Variants in SLC9A6 observed in about 807,000 individuals in gnomAD.
SLC9A6 encodes solute carrier family 9 member A6.
Under a neutral mutation model 45.3 loss-of-function variants are expected in SLC9A6, and 6 were observed. The observed-to-expected ratio is 0.13, with a 90% CI of 0.07 to 0.26. The LOEUF (loss-of-function observed/expected upper bound fraction) is 0.26, where lower values mean the gene tolerates loss of function less well. Ranked by LOEUF, SLC9A6 falls within the 10% of genes least tolerant of loss-of-function variation. The pLI, the probability that SLC9A6 is intolerant of heterozygous loss-of-function variation, is 1.00. For missense variants in SLC9A6, 278 were observed against 503.7 expected (o/e 0.55, Z 4.29); for synonymous variants, 191 against 187.7 (o/e 1.02, Z -0.14).
intron 3 of SLC9A6, among the ~76,000 whole-genome samples, chrX:135,995,694 T>C (rs1336622777): frequency 8.9e-6 from 1 of 112,426 alleles, no homozygotes; most frequent in Non-Finnish European, 1.9e-5. Flanking sequence ...TCTATTAATA[T>C]TTCTTTCAAT....
chrX:135,986,862 G>A (rs1556615035), intron 2 of SLC9A6, among the ~76,000 whole-genome samples: 1 of 111,365 alleles, frequency 9.0e-6, no homozygotes, highest in Non-Finnish European at 1.9e-5. Flanking sequence ...AGATGAGGGC[G>A]GACAAACAAT....
At chrX:135,980,749 TTC>T (rs2089282633), upstream of SLC9A6, among the ~76,000 whole-genome samples, 1 of 110,618 alleles carries the variant, frequency 9.0e-6, no homozygotes. Context: ...TAGAGATGAG[TTC>T]TCACTATGTT....
rs782296172 is a variant in SLC9A6, at chrX:135,985,673, C to A, written c.15C>A (p.Ile5=). Residue 5 remains isoleucine, a synonymous_variant, in exon 2 of 18, where the codon ATC becomes ATA. Coordinates refer to ENST00000630721, the MANE Select transcript of SLC9A6 (RefSeq NM_001379110.1). The part of the protein sequence containing the change: MDEE[I]VSEKQAEESH... ...AGGCTAGAGCCATGGACGAGGAGAT[C>A]GTGTCCGAGAAGCAAGCCGAGGAGA... 8.3e-7 allele frequency: 1 copy of A among 1,210,056 alleles called. No homozygotes were observed. Among genetic ancestry groups the A allele is most frequent in the African/African-American group, 1.7e-5 (1 of 57,216 alleles).
At chrX:136,009,554 G>T (rs1286013329) in intron 7 of SLC9A6, among the ~76,000 whole-genome samples, 1 of 112,138 alleles carries the variant, frequency 8.9e-6, no homozygotes, top group Non-Finnish European at 1.9e-5. Flanking sequence ...GTATGATGTT[G>T]TTGAGTCTGG....
chrX:136,022,508 C>A, intron 11 of SLC9A6, 78 bp from the exon 12 acceptor site: 2 of 605,689 alleles, frequency 3.3e-6, no homozygotes, highest in Non-Finnish European at 5.3e-6. Context: ...CTAAAATAGT[C>A]TTTCACCATC....
At chrX:135,973,871 C>T (rs1267311901), upstream of SLC9A6, 5 of 1,152,169 alleles carry the variant, frequency 4.3e-6, no homozygotes, top group African/African-American at 7.6e-5. Flanking sequence ...GAAAGCTACA[C>T]GGAAAAAGGT....
At position 135,987,651 on chromosome X, in the gene SLC9A6, A is replaced by AT. The variant is rs1199495219; in HGVS notation, c.169+1833dup. ...GTCGCTGTTGCATTTTTTTTCTTTG[A>AT]TTTTTTTTTCTTTTTATAAAGTTTT... is the stretch of plus-strand genomic sequence containing the variant. On this transcript the variant is annotated intron_variant, in intron 2 of 17. Coordinates refer to ENST00000630721, the MANE Select transcript of SLC9A6 (RefSeq NM_001379110.1). 9.9e-3 allele frequency among the ~76,000 whole-genome samples: 1,006 copies of AT among 101,842 alleles called. 15 individuals carry two copies. Among genetic ancestry groups the AT allele is most frequent in the African/African-American group, 0.034 (929 of 27,669 alleles). The allele number at this position is 101,842 out of a possible 115,157, so 88.4% of individuals were successfully genotyped here. A position where few individuals can be genotyped will look rare whatever the true frequency, so the allele number is the denominator to read the frequency against.
chrX:136,034,304 C>A (rs1415840401), intron 16 of SLC9A6, among the ~76,000 whole-genome samples: 1 of 110,421 alleles, frequency 9.1e-6, no homozygotes, highest in East Asian at 2.8e-4. Flanking sequence ...AGGTTACATA[C>A]TCCTTATGAG....
upstream of SLC9A6, chrX:135,973,996 G>T (rs782382941): frequency 4.7e-6 from 4 of 854,132 alleles, no homozygotes; most frequent in Admixed American, 1.3e-4. Context: ...GAGGAAGGGC[G>T]CCGGCAAATG....
At chrX:135,978,986 C>G (rs1353584758) in intron 1 of SLC9A6, among the ~76,000 whole-genome samples, 1 of 110,194 alleles carries the variant, frequency 9.1e-6, no homozygotes, top group African/African-American at 3.3e-5. Flanking sequence ...CCCCTCCCTA[C>G]TTCTTGTTTT....
upstream of SLC9A6, among the ~76,000 whole-genome samples, chrX:135,982,900 C>A (rs2089293529): frequency 8.9e-6 from 1 of 112,203 alleles, no homozygotes; most frequent in African/African-American, 3.2e-5. Flanking sequence ...CCTTGACTTT[C>A]TCAGTGACAA....
Position 136,024,409 on chromosome X carries a change from G to C in SLC9A6, c.1386G>C (p.Thr462=). 1 of 1,210,433 alleles carries C rather than the reference G, an allele frequency of 8.3e-7. No individual in the cohort carries two copies. The highest frequency in any genetic ancestry group is 3.0e-5 in the East Asian group (1 of 33,814). ...TYARQMMFST[T]LLIVFFTVWV... is the part of the protein sequence containing the mutation. ...CACGGCAAATGATGTTCAGCACCAC[G>C]CTTCTGATTGTGTTTTTTACCGTGT... The change falls in exon 13 of 18, where the codon ACG becomes ACC. Residue 462 remains threonine, a synonymous_variant. Transcript: ENST00000630721.
At chrX:136,029,929 C>A in intron 14 of SLC9A6, 1 of 445,127 alleles carries the variant, frequency 2.2e-6, no homozygotes, top group Non-Finnish European at 4.0e-6. Flanking sequence ...CATGGGTACA[C>A]CCTGCTTGCC....
At chrX:136,023,682 A>C (rs2071177708) in intron 12 of SLC9A6, among the ~76,000 whole-genome samples, 1 of 110,608 alleles carries the variant, frequency 9.0e-6, no homozygotes, top group African/African-American at 3.3e-5. Context: ...AATACAAAGA[A>C]ATTTGACAGG....
chrX:135,986,813 T>C (rs1556615025), intron 2 of SLC9A6, among the ~76,000 whole-genome samples: 1 of 111,074 alleles, frequency 9.0e-6, no homozygotes, highest in African/African-American at 3.3e-5. Flanking sequence ...AAAAGATACA[T>C]ATTGCCGACT....
intron 16 of SLC9A6, among the ~76,000 whole-genome samples, chrX:136,036,493 C>G (rs1348825984): frequency 9.0e-6 from 1 of 111,553 alleles, no homozygotes; most frequent in Non-Finnish European, 1.9e-5. Context: ...AGTAGAAGTT[C>G]TTCAATTTAA....
intron 6 of SLC9A6, among the ~76,000 whole-genome samples, chrX:135,999,721 G>A (rs782404043): frequency 1.7e-4 from 19 of 111,959 alleles, no homozygotes; most frequent in Non-Finnish European, 3.2e-4. Context: ...AAAGGTTGGG[G>A]TAGGAACATA....
At chrX:135,990,459 C>T (rs1260518148) in intron 2 of SLC9A6, among the ~76,000 whole-genome samples, 1 of 112,272 alleles carries the variant, frequency 8.9e-6, no homozygotes, top group African/African-American at 3.2e-5. Context: ...AGGATTTGGC[C>T]TTTTACAGAA....
In SLC9A6 at chrX:136,012,965, A is replaced by G. The variant is rs2148173863; in HGVS notation, c.902A>G (p.Lys301Arg). 4 of 1,208,565 alleles carry G rather than the reference A, an allele frequency of 3.3e-6. No individual in the cohort carries two copies. Among genetic ancestry groups the G allele is most frequent in the Non-Finnish European group, 4.5e-6 (4 of 892,487 alleles). ...CAGTCTTACGTGACAAAGTTCACCAAATTACGGGAGTTCCAGTTGTTGGAG... is the reference window on the plus strand; with the variant it reads ...CAGTCTTACGTGACAAAGTTCACCAGATTACGGGAGTTCCAGTTGTTGGAG... Reference protein sequence around the residue: ...VVTALVTKFTKLREFQLLETG... With the variant: ...VVTALVTKFTRLREFQLLETG... Residue 301 changes from lysine (K) to arginine (R), a missense_variant, in exon 9 of 18, where the codon AAA becomes AGA. Physicochemically the swap from Lys to Arg is conservative, Grantham distance 26. This residue lies in a region of SLC9A6 where 13 missense variants were observed against 58.8 expected (regional missense o/e 0.22). Transcript: ENST00000630721.
Sources: allele counts gnomAD v4.1 joint callset (sites outside exome capture counted in the v4.1 genomes callset), GRCh38; gene constraint gnomAD v4.1.1; regional missense constraint gnomAD v4.1.1; transcripts MANE v1.5; gene names NCBI Gene and HGNC (gene_info 2026-07-23, HGNC 2026-07-21).